Variants in DAB1 observed in about 807,000 individuals in gnomAD.
DAB1 encodes DAB adaptor protein 1.
In DAB1, 15 loss-of-function variants were observed where a neutral mutation model predicts 64.6. The observed-to-expected ratio is 0.23, with a 90% confidence interval of 0.16 to 0.36. The LOEUF (loss-of-function observed/expected upper bound fraction) is 0.36, where lower values mean the gene tolerates loss of function less well. DAB1 is among the 10% of genes least tolerant of loss of function. DAB1 has a pLI of 1.00. For synonymous variants in DAB1, 235 were observed against 251.9 expected, an observed-to-expected ratio of 0.93 and a Z score of 0.64; for missense variants, 596 against 706.7, an observed-to-expected ratio of 0.84 and a Z score of 1.78.
At chr1:57,748,441 TG>T (rs751737234) in intron 6 of DAB1, among the ~76,000 whole-genome samples, 1 of 152,114 alleles carries the variant, frequency 6.6e-6, no homozygotes, top group Non-Finnish European at 1.5e-5. Context: ...ATAGAGTGTT[TG>T]TGCATGTTAA....
At chr1:57,395,214 C>CG (rs1682709445) in intron 1 of DAB1, among the ~76,000 whole-genome samples, 1 of 151,960 alleles carries the variant, frequency 6.6e-6, no homozygotes, top group South Asian at 2.1e-4. Flanking sequence ...TTAGTAGAGA[C>CG]GGGGTTTCGC....
intron 7 of DAB1, among the ~76,000 whole-genome samples, chr1:57,435,052 T>TC (rs1174719081): frequency 2.8e-5 from 4 of 142,724 alleles, no homozygotes; most frequent in Non-Finnish European, 4.6e-5. Flanking sequence ...TTTTCTTTTT[T>TC]TTTTTTTTTT....
chr1:58,210,063 A>C (rs1658477531), intron 4 of DAB1, among the ~76,000 whole-genome samples: 1 of 152,234 alleles, frequency 6.6e-6, no homozygotes, highest in African/African-American at 2.4e-5. Context: ...TTTGCCACTC[A>C]AAGAAATAAA....
chr1:57,224,460 T>A (rs867434895), intron 2 of DAB1, among the ~76,000 whole-genome samples: 1 of 152,214 alleles, frequency 6.6e-6, no homozygotes, highest in African/African-American at 2.4e-5. Flanking sequence ...GAAGGCTTTC[T>A]TCAAGAGGAA....
chr1:58,126,824 T>C (rs992392759), intron 5 of DAB1, among the ~76,000 whole-genome samples: 6 of 150,734 alleles, frequency 4.0e-5, no homozygotes, highest in African/African-American at 1.5e-4. Context: ...TTCCATGGTG[T>C]ATATGTGCCA....
chr1:57,179,018 T>C (rs974516571), intron 2 of DAB1, among the ~76,000 whole-genome samples: 3 of 152,162 alleles, frequency 2.0e-5, no homozygotes, highest in Non-Finnish European at 2.9e-5. Context: ...AAAATGTATT[T>C]ATTTGGGAAG....
At chr1:58,406,606 A>T (rs1644617219) in intron 3 of DAB1, among the ~76,000 whole-genome samples, 1 of 152,222 alleles carries the variant, frequency 6.6e-6, no homozygotes, top group South Asian at 2.1e-4. Context: ...CAGTTGGCCC[A>T]GGGCTCTTCA....
At chr1:58,253,894 A>G (rs926323043) in intron 4 of DAB1, among the ~76,000 whole-genome samples, 22 of 152,362 alleles carry the variant, frequency 1.4e-4, no homozygotes, top group Middle Eastern at 3.4e-3. Flanking sequence ...TCAACTGGAC[A>G]GGCAGGAATA....
intron 5 of DAB1, among the ~76,000 whole-genome samples, chr1:58,014,277 G>T (rs1397961072): frequency 1.3e-5 from 2 of 152,116 alleles, no homozygotes; most frequent in Non-Finnish European, 2.9e-5. Context: ...GATTCTTGAG[G>T]GTTATAATAA....
At chr1:57,273,056 G>A (rs1570123791) in intron 2 of DAB1, among the ~76,000 whole-genome samples, 1 of 152,262 alleles carries the variant, frequency 6.6e-6, no homozygotes, top group East Asian at 1.9e-4. Flanking sequence ...AAGACTCTGG[G>A]ACCTCAACTT....
chr1:57,492,708 C>T (rs767693202), intron 7 of DAB1, among the ~76,000 whole-genome samples: 6 of 152,118 alleles, frequency 3.9e-5, no homozygotes, highest in Non-Finnish European at 8.8e-5. Context: ...AGCTTTAACC[C>T]TACTGGGCAA....
intron 2 of DAB1, among the ~76,000 whole-genome samples, chr1:57,153,174 C>T (rs1032100565): frequency 7.9e-5 from 12 of 152,080 alleles, no homozygotes; most frequent in Admixed American, 6.5e-4. Context: ...TACAGGCGTA[C>T]GCCACCATAC....
intron 2 of DAB1, among the ~76,000 whole-genome samples, chr1:57,167,368 C>T (rs1004735930): frequency 5.3e-5 from 8 of 152,176 alleles, no homozygotes; most frequent in African/African-American, 1.9e-4. Context: ...GGACACTTTA[C>T]TGCCCCCTCC....
intron 7 of DAB1, among the ~76,000 whole-genome samples, chr1:57,495,340 G>A (rs1048962986): frequency 9.9e-5 from 15 of 152,154 alleles, no homozygotes; most frequent in African/African-American, 3.6e-4. Context: ...TTCCTACTTA[G>A]TAAGAAATAT....
chr1:58,121,099 T>C (rs911054089), intron 5 of DAB1, among the ~76,000 whole-genome samples: 3 of 152,172 alleles, frequency 2.0e-5, no homozygotes, highest in East Asian at 1.9e-4. Context: ...TTGACACAAG[T>C]AGGAAAATGG....
At chr1:57,660,751 T>C (rs1646377017) in intron 6 of DAB1, among the ~76,000 whole-genome samples, 1 of 152,198 alleles carries the variant, frequency 6.6e-6, no homozygotes. Context: ...ATTCAATGAC[T>C]GACAGCAAAG....
chr1:58,181,272 C>A (rs1410592091), intron 4 of DAB1, among the ~76,000 whole-genome samples: 2 of 152,074 alleles, frequency 1.3e-5, no homozygotes, highest in African/African-American at 2.4e-5. Context: ...GACTCCAGCT[C>A]TATTTTGGTT....
At chr1:57,406,436 G>A (rs1309058562) in intron 1 of DAB1, among the ~76,000 whole-genome samples, 2 of 152,196 alleles carry the variant, frequency 1.3e-5, no homozygotes, top group Non-Finnish European at 2.9e-5. Flanking sequence ...GTGGGAAAAA[G>A]TCTGTGGCTT....
chr1:58,334,343 G>A lies in DAB1; in HGVS notation n.309+9009C>T, dbSNP rs778744983. 6.6e-4 allele frequency among the ~76,000 whole-genome samples: 101 copies of A among 152,186 alleles called. 1 individual carries two copies. Among genetic ancestry groups the A allele is most frequent in the African/African-American group, 1.9e-3 (80 of 41,532 alleles). ...GAATCCAGCCCAACTGATCCACGAC[G>A]TCATGTAACATAAGCAAGAAATAAA... On this transcript the variant is annotated intron_variant and non_coding_transcript_variant, in intron 4 of 20. Transcript: ENST00000485760.
Sources: allele counts gnomAD v4.1 joint callset (sites outside exome capture counted in the v4.1 genomes callset), GRCh38; gene constraint gnomAD v4.1.1; transcripts MANE v1.5; gene names NCBI Gene and HGNC (gene_info 2026-07-23, HGNC 2026-07-21).